The following AOX1 variants were observed in gnomAD, a reference collection of about 807,000 sequenced individuals.
The protein encoded by AOX1 is aldehyde oxidase.
A neutral mutation model predicts 169.5 loss-of-function variants in AOX1; 153 were observed. The observed-to-expected ratio is 0.90, with a 90% CI of 0.79 to 1.03. AOX1 has a LOEUF of 1.03. Among genes scored for constraint, AOX1 ranks in the 50% least tolerant of loss-of-function variants. The probability of loss-of-function intolerance (pLI) is 0.00; values close to 1 mark genes in which losing one functional copy is unlikely to be tolerated. For synonymous variants in AOX1, 562 were observed against 581.9 expected (o/e 0.97, Z 0.49); for missense variants, 1,656 against 1,663.9 (o/e 1.00, Z 0.08).
rs754540446 is a variant in AOX1, at chr2:200,642,615, A to G, written c.2661A>G (p.Ile887Met). The part of the protein sequence containing the change: ...GASLDESLFV[I>M]EMGLLKMDNA... The stretch of plus-strand genomic sequence containing the variant: ...TCAACTCTGGATTTCTCCAGGTGAT[A>G]GAAATGGGACTTCTGAAAATGGACA... The change falls in exon 25 of 35, where the codon ATA becomes ATG. Residue 887 changes from isoleucine (I) to methionine (M), a missense_variant. Coordinates refer to ENST00000374700, the MANE Select transcript of AOX1 (RefSeq NM_001159.4). 5 of 1,613,942 alleles carry G rather than the reference A, an allele frequency of 3.1e-6. No homozygotes were observed. The highest frequency in any genetic ancestry group is 4.2e-6 in the Non-Finnish European group (5 of 1,179,960).
intron 11 of AOX1, 84 bp from the exon 12 acceptor site, chr2:200,609,237 T>C (rs923450016): frequency 1.0e-5 from 16 of 1,588,776 alleles, no homozygotes; most frequent in Admixed American, 3.5e-5. Flanking sequence ...AAAAAAATAG[T>C]TCTCCAAAGC....
intron 30 of AOX1, among the ~76,000 whole-genome samples, chr2:200,661,906 G>A (rs2035835825): frequency 6.6e-6 from 1 of 152,196 alleles, no homozygotes; most frequent in African/African-American, 2.4e-5. Flanking sequence ...AAGGCTCTCT[G>A]TGGTTAGTAC....
intron 10 of AOX1, among the ~76,000 whole-genome samples, chr2:200,608,176 A>G (rs2105704418): frequency 6.6e-6 from 1 of 152,322 alleles, no homozygotes; most frequent in Non-Finnish European, 1.5e-5. Flanking sequence ...AAAAAAAAAG[A>G]ATGATAACAT....
intron 16 of AOX1, among the ~76,000 whole-genome samples, chr2:200,617,512 GAT>G (rs2034788446): frequency 7.1e-6 from 1 of 141,160 alleles, no homozygotes; most frequent in Non-Finnish European, 1.5e-5. Flanking sequence ...AAAAATGTAT[GAT>G]ATCTTTGACG....
chr2:200,621,294 G>A (rs377069712), intron 18 of AOX1, 48 bp downstream of exon 18: 37 of 1,591,428 alleles, frequency 2.3e-5, no homozygotes, highest in South Asian at 1.5e-4. Flanking sequence ...CTCAGTTAAC[G>A]GTGCTTCATA....
At chr2:200,617,922 G>GT (rs2034799587) in intron 16 of AOX1, among the ~76,000 whole-genome samples, 1 of 152,114 alleles carries the variant, frequency 6.6e-6, no homozygotes, top group South Asian at 2.1e-4. Flanking sequence ...CTCATTGTTG[G>GT]TTTTTCCTTT....
Position 200,620,790 on chromosome 2 carries a change from G to A in AOX1, c.1845G>A (p.Val615=), listed in dbSNP as rs777762612. 1.2e-6 allele frequency: 2 copies of A among 1,605,390 alleles called. No homozygotes were observed. The highest frequency in any genetic ancestry group is 2.7e-5 in the African/African-American group (2 of 74,358). Residue 615 remains valine, a synonymous_variant, in exon 17 of 35, where the codon GTG becomes GTA. Coordinates refer to ENST00000374700, the MANE Select transcript of AOX1 (RefSeq NM_001159.4). Reference sequence around the variant, plus strand: ...ACCAGGAACTTTTCTTGACTTTTGTGACTAGTTCAAGAGCTCATGCTAAGA... The same window carrying A: ...ACCAGGAACTTTTCTTGACTTTTGTAACTAGTTCAAGAGCTCATGCTAAGA... ...LVDQELFLTF[V]TSSRAHAKIV...
downstream of AOX1, among the ~76,000 whole-genome samples, chr2:200,678,858 A>C (rs550541897): frequency 1.8e-4 from 27 of 152,166 alleles, no homozygotes; most frequent in East Asian, 3.9e-3. Flanking sequence ...TACAGCTTAC[A>C]CTCTGGTGAA....
At chr2:200,625,263 G>C (rs758437061) in intron 19 of AOX1, among the ~76,000 whole-genome samples, 4 of 151,968 alleles carry the variant, frequency 2.6e-5, no homozygotes, top group African/African-American at 7.3e-5. Context: ...CCTGAAGTTT[G>C]CTGGAGAGTT....
At chr2:200,679,636 G>T (rs562200288), downstream of AOX1, among the ~76,000 whole-genome samples, 1 of 151,800 alleles carries the variant, frequency 6.6e-6, no homozygotes, top group African/African-American at 2.4e-5. Flanking sequence ...ATGTGGAGGA[G>T]GTGGCGATGA....
intron 3 of AOX1, among the ~76,000 whole-genome samples, chr2:200,595,606 G>A (rs2034267051): frequency 6.6e-6 from 1 of 152,008 alleles, no homozygotes; most frequent in Non-Finnish European, 1.5e-5. Flanking sequence ...AGGTACAGTG[G>A]CACACATTTC....
intron 1 of AOX1, among the ~76,000 whole-genome samples, chr2:200,591,474 C>A (rs1023240602): frequency 6.6e-6 from 1 of 152,188 alleles, no homozygotes; most frequent in Non-Finnish European, 1.5e-5. Flanking sequence ...CATGCAAATG[C>A]AGTGAAGGTG....
chr2:200,616,215 C>T, intron 16 of AOX1, 152 bp downstream of exon 16: 1 of 602,778 alleles, frequency 1.7e-6, no homozygotes, highest in South Asian at 2.2e-5. Flanking sequence ...AACTAAAATT[C>T]CAAAATCAAT....
chr2:200,659,904 T>C (rs1402966336), intron 28 of AOX1, 91 bp from the exon 29 acceptor site: 11 of 994,750 alleles, frequency 1.1e-5, no homozygotes, highest in Non-Finnish European at 1.5e-5. Context: ...CCCTCTTAGA[T>C]AAGCCTATGG....
At chr2:200,617,481 CAAAAAAAAAAAAA>C (rs35035526) in intron 16 of AOX1, among the ~76,000 whole-genome samples, 170 of 58,218 alleles carry the variant, frequency 2.9e-3, no homozygotes, top group African/African-American at 9.8e-3. Flanking sequence ...CAACTAACTG[CAAAAAAAAAAAAA>C]AAAAAAAAAA....
At chr2:200,654,301 A>G (rs902009360) in intron 26 of AOX1, among the ~76,000 whole-genome samples, 6 of 151,630 alleles carry the variant, frequency 4.0e-5, no homozygotes, top group African/African-American at 1.5e-4. Flanking sequence ...GTCAGCAGCC[A>G]TCAACATTGA....
At position 200,621,155 on chromosome 2, in the gene AOX1, G is replaced by A. The variant is rs1209348158; in HGVS notation, c.1910G>A (p.Gly637Asp). ...CTGTCAGAAGCTCTCAGCATGCCCG[G>A]TGTGGTGGACATCATGACAGCAGAA... ...IDLSEALSMP[G>D]VVDIMTAEHL... is the part of the protein sequence containing the mutation. Residue 637 changes from glycine (G) to aspartate (D), a missense_variant, in exon 18 of 35, where the codon GGT (glycine) becomes GAT (aspartate). By Grantham distance (94) the Gly-to-Asp change is moderately conservative (BLOSUM62 -1). Transcript: ENST00000374700. 2 of 1,614,010 alleles carry A rather than the reference G, an allele frequency of 1.2e-6. No individual in the cohort carries two copies. The highest frequency in any genetic ancestry group is 8.5e-7 in the Non-Finnish European group (1 of 1,179,994).
chr2:200,650,769 A>G (rs1027218584), intron 25 of AOX1, among the ~76,000 whole-genome samples: 1 of 152,248 alleles, frequency 6.6e-6, no homozygotes, highest in African/African-American at 2.4e-5. Context: ...TAGAAAGCAC[A>G]TAAGTAATTG....
At position 200,670,922 on chromosome 2, in the gene AOX1, T is replaced by C. The variant is rs909032578; in HGVS notation, c.*243T>C. 2 of 445,624 alleles carry C rather than the reference T, an allele frequency of 4.5e-6. No homozygotes were observed. Among genetic ancestry groups the C allele is most frequent in the Non-Finnish European group, 8.0e-6 (2 of 251,384 alleles). The allele number at this position is 445,624 out of a possible 1,614,324, so 27.6% of individuals were successfully genotyped here. ...CTAATTGGTTTCCTCTAGGGTGATA[T>C]CCGTCATTACTCTGTCTCTTCAATC... is the stretch of plus-strand genomic sequence containing the variant. On this transcript the variant is annotated 3_prime_UTR_variant, in exon 35 of 35. Transcript: ENST00000374700.
Sources: gnomAD v4.1 joint callset for allele counts (sites outside exome capture counted in the v4.1 genomes callset) on GRCh38, gnomAD v4.1.1 for gene constraint, MANE v1.5 for transcripts, NCBI Gene and HGNC (gene_info 2026-07-23, HGNC 2026-07-21) for gene names.